ZFP28: variants seen among roughly 807,000 people sequenced by gnomAD.
ZFP28 encodes the protein ZFP28 zinc finger protein.
In ZFP28, 31 loss-of-function variants were observed where a neutral mutation model predicts 39.5. The observed-to-expected ratio is 0.79, with a 90% CI of 0.59 to 1.06. The LOEUF (loss-of-function observed/expected upper bound fraction) is 1.06. ZFP28 is among the 50% of genes least tolerant of loss of function. ZFP28 has a pLI of 0.00. For missense variants in ZFP28, 925 were observed against 1,048.4 expected (o/e 0.88, Z 1.63); for synonymous variants, 400 against 378.6 (o/e 1.06, Z -0.66).
intron 2 of ZFP28, chr19:56,545,814 AG>A (rs2044236594): frequency 6.6e-6 from 1 of 152,212 alleles, no homozygotes; most frequent in African/African-American, 2.4e-5. Context: ...AGGCTCAGTA[AG>A]GGAACTTGAA....
In ZFP28 at chr19:56,555,402, G is replaced by A. The variant is rs757940799; in HGVS notation, c.*10G>A. 6 of 1,586,518 alleles carry A rather than the reference G, an allele frequency of 3.8e-6. No homozygotes were observed. In the East Asian group the frequency reaches 6.7e-5, roughly 18 times the overall value. On this transcript the variant is annotated 3_prime_UTR_variant, in exon 8 of 8. Transcript: ENST00000301318. ...CCTCCCATCACCATAGCCTCGAGAC[G>A]TCATTTCTGTTTGACTACTCCAGCA...
At chr19:56,548,729 C>G (rs965829231) in intron 4 of ZFP28, among the ~76,000 whole-genome samples, 2 of 152,138 alleles carry the variant, frequency 1.3e-5, no homozygotes, top group African/African-American at 4.8e-5. Context: ...TGGGAAAGGT[C>G]TTATTGTGGC....
chr19:56,546,041 G>T (rs2044238640), intron 2 of ZFP28: 1 of 152,224 alleles, frequency 6.6e-6, no homozygotes, highest in Admixed American at 6.5e-5. Context: ...CTTCCATTGT[G>T]CCTTGCACGT....
chr19:56,544,840 A>G (rs1358271309), intron 2 of ZFP28: 1 of 152,260 alleles, frequency 6.6e-6, no homozygotes, highest in Non-Finnish European at 1.5e-5. Context: ...GATTCTATAC[A>G]TAAAGAGCTG....
chr19:56,552,307 G>A (rs7253545), intron 7 of ZFP28: 64,615 of 152,012 alleles, frequency 0.43, 15,731 homozygotes, highest in African/African-American at 0.68. Flanking sequence ...TTGCTGTACC[G>A]TTGGTAAAGA....
At chr19:56,552,345 C>T (rs1008769975) in intron 7 of ZFP28, 2 of 152,112 alleles carry the variant, frequency 1.3e-5, no homozygotes, top group African/African-American at 4.8e-5. Context: ...TTCTAGACAT[C>T]ATCACCAATA....
rs2044331399 is a variant in ZFP28 at position 56,554,326 on chromosome 19, T to G, written c.1541T>G (p.Phe514Cys). 1 of 1,614,056 alleles carries G rather than the reference T, an allele frequency of 6.2e-7. No individual in the cohort carries two copies. The highest frequency in any genetic ancestry group is 8.5e-7 in the Non-Finnish European group (1 of 1,180,040). ...PFDCIDCGKAFSDHIGLNQHR... is the reference protein window; with the variant it reads ...PFDCIDCGKACSDHIGLNQHR... ...GATTGCATCGATTGTGGGAAAGCCTTCAGTGACCACATAGGGCTTAATCAA... is the reference window on the plus strand; with the variant it reads ...GATTGCATCGATTGTGGGAAAGCCTGCAGTGACCACATAGGGCTTAATCAA... Residue 514 changes from phenylalanine (F) to cysteine (C), a missense_variant, in exon 8 of 8, where the codon TTC becomes TGC. Transcript: ENST00000301318. This position sits in a 1 kb window ranked among gnomAD's most constrained non-coding sequence, Gnocchi z 6.7.
rs991670777 is a variant in ZFP28 at position 56,556,287 on chromosome 19, G to A, written c.*895G>A. 8 of 152,236 alleles carry A rather than the reference G, an allele frequency of 5.3e-5. No individual in the cohort carries two copies. Among genetic ancestry groups the A allele is most frequent in the African/African-American group, 1.9e-4 (8 of 41,466 alleles). The allele number at this position is 152,236 out of a possible 1,614,324, so 9.4% of individuals were successfully genotyped here. ...AAGTTTTGTTGGCTTCAGCCACACA[G>A]TGATTTACACCTTGATTGTGCTGCT... On this transcript the variant is annotated 3_prime_UTR_variant, in exon 8 of 8. Transcript: ENST00000301318.
At position 56,539,075 on chromosome 19, in the gene ZFP28, C is replaced by G. The variant is rs61730414; in HGVS notation, c.57C>G (p.Gly19=). Residue 19 remains glycine (G), a synonymous_variant, in exon 1 of 8, where the codon GGC becomes GGG. Transcript: ENST00000301318. ...AGCCGACGCCGCTCCCGGGTAGAGG[C>G]GCCCCCCGCACAAAGCCCCGGGCGG... ...VREPTPLPGR[G]APRTKPRAGR... 4 of 1,526,478 alleles carry G rather than the reference C, an allele frequency of 2.6e-6. No homozygotes were observed. The highest frequency in any genetic ancestry group is 2.0e-5 in the Admixed American group (1 of 50,568). 94.6% of individuals were successfully genotyped at this position (1,526,478 alleles called of 1,614,324 possible). A position where few individuals can be genotyped will look rare whatever the true frequency, so the allele number is the denominator to read the frequency against.
rs1208541016 is a variant in ZFP28 at position 56,547,493 on chromosome 19, G to C, written c.301-15G>C. Reference sequence around the variant, plus strand: ...TGAGCACTGGTTGAGCAAGAACATGGTTATATCATTTCAGGGCTTGGTGAC... The same window carrying C: ...TGAGCACTGGTTGAGCAAGAACATGCTTATATCATTTCAGGGCTTGGTGAC... On this transcript the variant is annotated splice_polypyrimidine_tract_variant and intron_variant, in intron 2 of 7. Transcript: ENST00000301318. This position sits in a 1 kb window ranked among gnomAD's most constrained non-coding sequence, Gnocchi z 4.6. 6.2e-7 allele frequency: 1 copy of C among 1,614,140 alleles called. No homozygotes were observed. The highest frequency in any genetic ancestry group is 1.7e-5 in the Admixed American group (1 of 60,026).
chr19:56,543,675 C>G lies in ZFP28; in HGVS notation c.301-3833C>G, dbSNP rs527432546. Among the ~76,000 whole-genome samples the G allele has an allele frequency of 7.9e-4, 120 of 152,138 alleles. 1 individual carries two copies. Among genetic ancestry groups the G allele is most frequent in the Non-Finnish European group, 1.1e-3 (77 of 68,014 alleles). On this transcript the variant is annotated intron_variant, in intron 2 of 7. Transcript: ENST00000301318. Reference sequence around the variant, plus strand: ...GTGGTATAGTGTAAAAATGTGAAACCCATTTTGAAGTCTGCATATTTATGT... The same window carrying G: ...GTGGTATAGTGTAAAAATGTGAAACGCATTTTGAAGTCTGCATATTTATGT...
In ZFP28 at chr19:56,550,557, A is replaced by G. The variant is rs774184191; in HGVS notation, c.850A>G (p.Lys284Glu). 1 of 1,614,136 alleles carries G rather than the reference A, an allele frequency of 6.2e-7. No homozygotes were observed. The highest frequency in any genetic ancestry group is 8.5e-7 in the Non-Finnish European group (1 of 1,180,038). Residue 284 changes from lysine to glutamate, a missense_variant, in exon 7 of 8, where the codon AAG (lysine) becomes GAG (glutamate). Coordinates refer to ENST00000301318, the MANE Select transcript of ZFP28 (RefSeq NM_020828.2). ...TTTAGTCTCTTTACTAGAGCAAGAG[A>G]AGGAGCCCTGGATGGTGAAGCGAGA... ...PDLVSLLEQE[K>E]EPWMVKRELT...
At chr19:56,540,915 CTT>C in intron 2 of ZFP28, among the ~76,000 whole-genome samples, 1 of 105,946 alleles carries the variant, frequency 9.4e-6, no homozygotes, top group Non-Finnish European at 1.9e-5. Flanking sequence ...TGCCACAGTT[CTT>C]ACCTCCGTGA....
chr19:56,551,182 G>A, intron 7 of ZFP28: 1 of 988,610 alleles, frequency 1.0e-6, no homozygotes. Flanking sequence ...TGGTGTCTAT[G>A]TTTTAGTAGG....
At position 56,555,533 on chromosome 19, in the gene ZFP28, T is replaced by G. The variant is rs574292550; in HGVS notation, c.*141T>G. 4 of 1,214,382 alleles carry G rather than the reference T, an allele frequency of 3.3e-6. No homozygotes were observed. Among genetic ancestry groups the G allele is most frequent in the Non-Finnish European group, 3.4e-6 (3 of 878,866 alleles). 75.2% of individuals were successfully genotyped at this position (1,214,382 alleles called of 1,614,324 possible). On this transcript the variant is annotated 3_prime_UTR_variant, in exon 8 of 8. Transcript: ENST00000301318. ...TTATTCACTCCTCTTGTAAAACTTA[T>G]AGTTTCTTTAAATTGGTTAATGTGT...
intron 6 of ZFP28, 142 bp from the exon 7 acceptor site, chr19:56,550,368 T>C (rs1443066045): frequency 1.1e-6 from 1 of 882,368 alleles, no homozygotes; most frequent in Admixed American, 2.8e-5. Context: ...CTTGAAGCGT[T>C]ATCTTCTTGT....
At chr19:56,540,449 A>G (rs1488352468) in intron 2 of ZFP28, among the ~76,000 whole-genome samples, 1 of 152,224 alleles carries the variant, frequency 6.6e-6, no homozygotes, top group Non-Finnish European at 1.5e-5. Context: ...TAGCTCATTA[A>G]TAGATGAACC....
At chr19:56,549,564 C>A (rs1207432121) in intron 5 of ZFP28, among the ~76,000 whole-genome samples, 2 of 152,050 alleles carry the variant, frequency 1.3e-5, no homozygotes, top group Non-Finnish European at 2.9e-5. Flanking sequence ...GTAGTCCCAG[C>A]TACTCAGGAG....
intron 2 of ZFP28, among the ~76,000 whole-genome samples, chr19:56,544,258 T>A (rs909916075): frequency 2.0e-5 from 3 of 152,242 alleles, no homozygotes; most frequent in Non-Finnish European, 4.4e-5. Context: ...ATAGGCCAAA[T>A]CCAGCCCACC....
Sources: gnomAD v4.1 joint callset for allele counts (sites outside exome capture counted in the v4.1 genomes callset) on GRCh38, gnomAD v4.1.1 for gene constraint, Gnocchi (gnomAD v3.1) non-coding constraint, MANE v1.5 for transcripts, NCBI Gene and HGNC (gene_info 2026-07-23, HGNC 2026-07-21) for gene names.